The following SND1 variants were observed in gnomAD, a reference collection of about 807,000 sequenced individuals.
The protein encoded by SND1 is staphylococcal nuclease domain-containing protein 1.
In SND1, 38 loss-of-function variants were observed where a neutral mutation model predicts 121.7. The observed-to-expected ratio is 0.31, with a 90% CI of 0.24 to 0.41. The LOEUF (loss-of-function observed/expected upper bound fraction) is 0.41. SND1 is among the 10% of genes least tolerant of loss of function. The probability of loss-of-function intolerance (pLI) is 1.00; values close to 1 mark genes in which losing one functional copy is unlikely to be tolerated. For synonymous variants in SND1, 401 were observed against 447.4 expected, an observed-to-expected ratio of 0.90 and a Z score of 1.31; for missense variants, 868 against 1,184.6, an observed-to-expected ratio of 0.73 and a Z score of 3.92.
At chr7:128,089,440 A>T (rs1435419278) in intron 21 of SND1, 49 bp from the exon 22 acceptor site, 1 of 1,543,546 alleles carries the variant, frequency 6.5e-7, no homozygotes, top group East Asian at 2.3e-5. Flanking sequence ...GCTGGGGCCC[A>T]AGTGGTTGTT....
chr7:127,983,088 T>C (rs919465022), intron 15 of SND1, among the ~76,000 whole-genome samples: 7 of 152,242 alleles, frequency 4.6e-5, no homozygotes, highest in African/African-American at 1.7e-4. Context: ...AAGTGTTGCT[T>C]TTCTCAGCCT....
intron 16 of SND1, chr7:128,026,976 T>TC (rs1803493714): frequency 1.3e-5 from 2 of 152,128 alleles, no homozygotes; most frequent in Non-Finnish European, 2.9e-5. Context: ...ACCTGTACCC[T>TC]CCCCTCCCCG....
intron 8 of SND1, among the ~76,000 whole-genome samples, chr7:127,706,616 T>C (rs986409544): frequency 6.6e-6 from 1 of 152,178 alleles, no homozygotes. Flanking sequence ...CTACATGTTA[T>C]ATGACATCGG....
intron 10 of SND1, among the ~76,000 whole-genome samples, chr7:127,786,816 G>T (rs1213915105): frequency 2.0e-5 from 3 of 152,042 alleles, no homozygotes; most frequent in Non-Finnish European, 4.4e-5. Flanking sequence ...GCTAATTTTT[G>T]TATTTTTAGT....
intron 1 of SND1, among the ~76,000 whole-genome samples, chr7:127,685,281 C>T (rs757131311): frequency 1.1e-4 from 17 of 152,176 alleles, no homozygotes; most frequent in Non-Finnish European, 2.4e-4. Context: ...TCCTTTCATT[C>T]TCCTTTTTCT....
At chr7:127,924,869 T>G (rs1024178210) in intron 14 of SND1, among the ~76,000 whole-genome samples, 1 of 152,200 alleles carries the variant, frequency 6.6e-6, no homozygotes, top group South Asian at 2.1e-4. Flanking sequence ...TACCCACATT[T>G]GGAAGAGATG....
intron 1 of SND1, among the ~76,000 whole-genome samples, chr7:127,655,100 G>A (rs1211508054): frequency 6.6e-6 from 1 of 152,130 alleles, no homozygotes. Flanking sequence ...ACTGACCTAC[G>A]CTTTTCATTG....
intron 16 of SND1, among the ~76,000 whole-genome samples, chr7:128,009,296 T>G (rs1232684426): frequency 6.6e-6 from 1 of 152,204 alleles, no homozygotes; most frequent in Non-Finnish European, 1.5e-5. Flanking sequence ...ACTGGCGGAT[T>G]CATACTCCCA....
At chr7:128,081,861 C>T (rs1793607857) in intron 18 of SND1, 1 of 543,674 alleles carries the variant, frequency 1.8e-6, no homozygotes, top group East Asian at 5.2e-5. Flanking sequence ...TGATTTGTAG[C>T]CCCCAGAATC....
intron 2 of SND1, among the ~76,000 whole-genome samples, chr7:127,690,124 G>A (rs941220197): frequency 1.3e-5 from 2 of 151,692 alleles, no homozygotes. Context: ...TTCTCCATAT[G>A]CTCTCAGATT....
Position 128,029,849 on chromosome 7 carries a change from C to A in SND1, c.1779+38793C>A. On this transcript the variant is annotated intron_variant, in intron 16 of 23. Coordinates refer to ENST00000354725, the MANE Select transcript of SND1 (RefSeq NM_014390.4). The surrounding 1 kb of genome is among the most constrained non-coding windows in gnomAD (Gnocchi z 4.2). Reference sequence around the variant, plus strand: ...AGTTGAGTTCCACAAGTGAAGCCAGCCCGTCAAAAGCATTCCGCTCAATCA... The same window carrying A: ...AGTTGAGTTCCACAAGTGAAGCCAGACCGTCAAAAGCATTCCGCTCAATCA... 1 of 1,613,526 alleles carries A rather than the reference C, an allele frequency of 6.2e-7. No homozygotes were observed. Among genetic ancestry groups the A allele is most frequent in the Non-Finnish European group, 8.5e-7 (1 of 1,180,020 alleles).
chr7:127,776,115 G>C (rs1797616261), intron 10 of SND1, among the ~76,000 whole-genome samples: 1 of 152,190 alleles, frequency 6.6e-6, no homozygotes, highest in South Asian at 2.1e-4. Flanking sequence ...AGTTCAGTAG[G>C]CTTCATGAAC....
At chr7:128,063,522 C>A (rs1324040598) in intron 16 of SND1, among the ~76,000 whole-genome samples, 1 of 152,196 alleles carries the variant, frequency 6.6e-6, no homozygotes. Flanking sequence ...TGGTGCCATG[C>A]ATGTACCCAA....
chr7:128,071,060 G>A (rs1362929876), intron 16 of SND1, among the ~76,000 whole-genome samples: 1 of 152,108 alleles, frequency 6.6e-6, no homozygotes, highest in Non-Finnish European at 1.5e-5. Context: ...CATGCTTTTT[G>A]TTGGTGGTTT....
intron 10 of SND1, among the ~76,000 whole-genome samples, chr7:127,747,565 T>C (rs528663471): frequency 6.6e-5 from 10 of 152,196 alleles, no homozygotes; most frequent in Non-Finnish European, 1.5e-4. Context: ...ATGTCCAGCC[T>C]GGAAGATCCT....
intron 15 of SND1, among the ~76,000 whole-genome samples, chr7:127,963,943 A>G (rs1262084866): frequency 3.4e-5 from 5 of 145,696 alleles, no homozygotes; most frequent in African/African-American, 7.7e-5. Context: ...AATGATTGCC[A>G]TTCTAACTGG....
At chr7:127,960,256 T>C (rs1801700506) in intron 15 of SND1, among the ~76,000 whole-genome samples, 1 of 152,222 alleles carries the variant, frequency 6.6e-6, no homozygotes, top group South Asian at 2.1e-4. Context: ...ATGGTGGGCA[T>C]AGGCAGTACC....
intron 2 of SND1, among the ~76,000 whole-genome samples, chr7:127,688,733 T>TAAAAAAA (rs1249911592): frequency 1.1e-4 from 15 of 133,924 alleles, no homozygotes; most frequent in African/African-American, 4.1e-4. Context: ...AAAAAAATAA[T>TAAAAAAA]AAAAAAAAAA....
chr7:127,922,175 CTTTTTTTT>C (rs1158535023), intron 14 of SND1, among the ~76,000 whole-genome samples: 20 of 57,176 alleles, frequency 3.5e-4, no homozygotes, highest in Non-Finnish European at 5.8e-4. Context: ...TTTTTCTTTC[CTTTTTTTT>C]TTTTTTTTTT....
Sources: allele counts gnomAD v4.1 joint callset (sites outside exome capture counted in the v4.1 genomes callset), GRCh38; gene constraint gnomAD v4.1.1; non-coding constraint Gnocchi (gnomAD v3.1); transcripts MANE v1.5; gene names NCBI Gene and HGNC (gene_info 2026-07-23, HGNC 2026-07-21).